EEF1AKMT1: variants seen among roughly 807,000 people sequenced by gnomAD.
The protein encoded by EEF1AKMT1 is EEF1A lysine methyltransferase 1.
A neutral mutation model predicts 21.0 loss-of-function variants in EEF1AKMT1; 18 were observed. The observed-to-expected ratio is 0.86, with a 90% CI of 0.59 to 1.27. EEF1AKMT1 has a LOEUF of 1.27. EEF1AKMT1 is among the 50% of genes most tolerant of loss of function. The probability of loss-of-function intolerance (pLI) is 0.00; values close to 1 mark genes in which losing one functional copy is unlikely to be tolerated. For missense variants in EEF1AKMT1, 246 were observed against 258.6 expected (o/e 0.95, Z 0.33); for synonymous variants, 109 against 94.8 (o/e 1.15, Z -0.87).
intron 2 of EEF1AKMT1, among the ~76,000 whole-genome samples, chr13:20,742,834 G>C (rs991374575): frequency 6.6e-6 from 1 of 152,106 alleles, no homozygotes; most frequent in Non-Finnish European, 1.5e-5. Flanking sequence ...GTGTTTCCTG[G>C]TATCTTTGGC....
intron 3 of EEF1AKMT1, among the ~76,000 whole-genome samples, chr13:20,734,574 T>TA (rs1389800192): frequency 4.7e-4 from 56 of 118,070 alleles, no homozygotes; most frequent in Admixed American, 9.8e-4. Flanking sequence ...TCATCTTTAT[T>TA]TTATTATTTA....
chr13:20,746,127 A>G (rs1332218251), intron 2 of EEF1AKMT1, among the ~76,000 whole-genome samples: 1 of 152,116 alleles, frequency 6.6e-6, no homozygotes, highest in Non-Finnish European at 1.5e-5. Context: ...GGGTATATGT[A>G]TTAATTCATA....
At chr13:20,739,839 C>A (rs1322794797) in intron 2 of EEF1AKMT1, among the ~76,000 whole-genome samples, 1 of 152,258 alleles carries the variant, frequency 6.6e-6, no homozygotes, top group Non-Finnish European at 1.5e-5. Flanking sequence ...TTCCAAGTCC[C>A]CACCTGACTC....
At chr13:20,756,744 C>G (rs4770071) in intron 2 of EEF1AKMT1, among the ~76,000 whole-genome samples, 34,451 of 152,124 alleles carry the variant, frequency 0.23, 5,513 homozygotes, top group East Asian at 0.75. Flanking sequence ...TCTGATTGTT[C>G]TCCACCCTTT....
chr13:20,734,368 A>G (rs886969854), intron 3 of EEF1AKMT1, among the ~76,000 whole-genome samples: 7 of 152,070 alleles, frequency 4.6e-5, no homozygotes, highest in African/African-American at 1.7e-4. Flanking sequence ...ACCTGTGTTG[A>G]AAGCCTAGCT....
intron 1 of EEF1AKMT1, among the ~76,000 whole-genome samples, chr13:20,761,974 C>A (rs573763790): frequency 1.3e-5 from 2 of 152,130 alleles, no homozygotes; most frequent in South Asian, 4.2e-4. Context: ...ATGGCATGTG[C>A]CTGTAGACCC....
chr13:20,768,949 G>A (rs4522280), intron 1 of EEF1AKMT1: 151,680 of 152,062 alleles, frequency 1, 75,651 homozygotes, highest in Middle Eastern at 1. Context: ...AGGGGGCCAC[G>A]TGAAACTCTG....
At chr13:20,736,131 A>G (rs989263566) in intron 3 of EEF1AKMT1, among the ~76,000 whole-genome samples, 15 of 152,220 alleles carry the variant, frequency 9.9e-5, no homozygotes, top group Admixed American at 9.8e-4. Flanking sequence ...CCAGGACAAT[A>G]GATAAAAACT....
At chr13:20,735,023 A>G (rs563248833) in intron 3 of EEF1AKMT1, among the ~76,000 whole-genome samples, 1 of 152,344 alleles carries the variant, frequency 6.6e-6, no homozygotes, top group South Asian at 2.1e-4. Flanking sequence ...ATTTAGGAAT[A>G]CAAGAGCAAA....
intron 2 of EEF1AKMT1, among the ~76,000 whole-genome samples, chr13:20,740,231 C>A (rs57079280): frequency 0.069 from 10,559 of 152,302 alleles, 1,099 homozygotes; most frequent in African/African-American, 0.22. Flanking sequence ...GAGTGCGGGG[C>A]CTGCCAAGCC....
intron 4 of EEF1AKMT1, 111 bp downstream of exon 4, chr13:20,731,730 A>C: frequency 9.1e-7 from 1 of 1,099,410 alleles, no homozygotes; most frequent in Non-Finnish European, 1.3e-6. Context: ...GAGTTAAATA[A>C]CTTGTTCACA....
chr13:20,756,129 T>C (rs1239901771), intron 2 of EEF1AKMT1, among the ~76,000 whole-genome samples: 1 of 152,136 alleles, frequency 6.6e-6, no homozygotes, highest in Admixed American at 6.5e-5. Context: ...AGATCCAAAC[T>C]AGACACAAAA....
At chr13:20,747,373 C>A in intron 2 of EEF1AKMT1, 1 of 233,056 alleles carries the variant, frequency 4.3e-6, no homozygotes. Flanking sequence ...CCTTCACTTT[C>A]CTGTCCTTTA....
chr13:20,748,412 G>A (rs1392780734), intron 2 of EEF1AKMT1, among the ~76,000 whole-genome samples: 1 of 150,586 alleles, frequency 6.6e-6, no homozygotes, highest in East Asian at 1.9e-4. Context: ...TCCAACCTGG[G>A]CGACAGAGCT....
chr13:20,754,939 TA>T (rs1372639756), intron 2 of EEF1AKMT1, among the ~76,000 whole-genome samples: 1 of 152,024 alleles, frequency 6.6e-6, no homozygotes, highest in Non-Finnish European at 1.5e-5. Flanking sequence ...GGTTTTCCTT[TA>T]CGTCATGTAG....
At chr13:20,740,166 C>T (rs1413582106) in intron 2 of EEF1AKMT1, among the ~76,000 whole-genome samples, 4 of 152,256 alleles carry the variant, frequency 2.6e-5, no homozygotes, top group Non-Finnish European at 5.9e-5. Flanking sequence ...CAGTTGCTGG[C>T]CTAGGTGCTA....
intron 1 of EEF1AKMT1, among the ~76,000 whole-genome samples, chr13:20,761,695 T>C (rs1192438274): frequency 1.3e-5 from 2 of 152,244 alleles, no homozygotes; most frequent in Non-Finnish European, 2.9e-5. Context: ...ATCCCTGTAC[T>C]ATGAGGTTTA....
chr13:20,754,752 A>T (rs1351897215), intron 2 of EEF1AKMT1, among the ~76,000 whole-genome samples: 1 of 151,754 alleles, frequency 6.6e-6, no homozygotes, highest in Admixed American at 6.6e-5. Flanking sequence ...AAAAAAAAAA[A>T]AAAAAAAAAA....
chr13:20,761,063 A>G (rs183976525), intron 1 of EEF1AKMT1, among the ~76,000 whole-genome samples: 251 of 152,346 alleles, frequency 1.6e-3, no homozygotes, highest in African/African-American at 5.7e-3. Context: ...AGTACAATCC[A>G]CAGAGCTCGT....
Sources: allele counts gnomAD v4.1 joint callset (sites outside exome capture counted in the v4.1 genomes callset), GRCh38; gene constraint gnomAD v4.1.1; transcripts MANE v1.5; gene names NCBI Gene and HGNC (gene_info 2026-07-23, HGNC 2026-07-21).